Variants in PIGN observed in about 807,000 individuals in gnomAD.
The protein encoded by PIGN is phosphatidylinositol glycan anchor biosynthesis class N, also known as GPI ethanolamine phosphate transferase 1.
Under a neutral mutation model 125.4 loss-of-function variants are expected in PIGN, and 117 were observed. The ratio of observed to expected loss-of-function variants is 0.93; its 90% CI spans 0.80 to 1.09. The LOEUF (loss-of-function observed/expected upper bound fraction) is 1.09, where lower values mean the gene tolerates loss of function less well. PIGN is among the 50% of genes least tolerant of loss of function. PIGN has a pLI of 0.00. For missense variants in PIGN, 1,075 were observed against 1,094.9 expected, an observed-to-expected ratio of 0.98 and a Z score of 0.26; for synonymous variants, 392 against 377.8, an observed-to-expected ratio of 1.04 and a Z score of -0.44.
intron 27 of PIGN, among the ~76,000 whole-genome samples, chr18:62,083,890 C>T (rs2033566562): frequency 6.6e-6 from 1 of 152,064 alleles, no homozygotes; most frequent in Non-Finnish European, 1.5e-5. Context: ...TAAATCTGAA[C>T]ATTAGGTAAT....
rs1241205622 is a variant in PIGN at position 62,157,702 on chromosome 18, T to G, written c.328A>C (p.Ser110Arg). 2 of 1,611,462 alleles carry G rather than the reference T, an allele frequency of 1.2e-6. No homozygotes were observed. Among genetic ancestry groups the G allele is most frequent in the East Asian group, 4.5e-5 (2 of 44,846 alleles). The change falls in exon 5 of 31, where the codon AGT becomes CGT. Residue 110 changes from serine to arginine, a missense_variant. Coordinates refer to ENST00000640252, the MANE Select transcript of PIGN (RefSeq NM_176787.5). ...TAGACAATACCTTTGGCAACTGCAC[T>G]GACATCTTCATAAAACCCAGCTATC... Reference protein sequence around the residue: ...ALIAGFYEDVSAVAKGWKENP... With the variant: ...ALIAGFYEDVRAVAKGWKENP...
rs373904057 is a variant in PIGN, at chr18:62,076,003, T to C, written c.2577-1182A>G. ...CAGGCTGGAGTGCAGTGGTACAATC[T>C]TGGCTCACTGCAACCTCCGCCTCCT... On this transcript the variant is annotated intron_variant, in intron 28 of 30. Transcript: ENST00000640252. The C allele has an allele frequency of 3.3e-3, 503 of 152,356 alleles. 3 individuals carry two copies. The highest frequency in any genetic ancestry group is 0.013 in the South Asian group (65 of 4,822). 9.4% of individuals were successfully genotyped at this position (152,356 alleles called of 1,614,324 possible). A position where few individuals can be genotyped will look rare whatever the true frequency, so the allele number is the denominator to read the frequency against.
intron 30 of PIGN, among the ~76,000 whole-genome samples, chr18:62,064,109 G>A (rs776438575): frequency 6.6e-6 from 1 of 152,142 alleles, no homozygotes; most frequent in African/African-American, 2.4e-5. Context: ...TACACCTTTT[G>A]TTCAAGGCCC....
intron 8 of PIGN, among the ~76,000 whole-genome samples, chr18:62,147,700 A>G (rs2036384566): frequency 6.6e-6 from 1 of 152,216 alleles, no homozygotes; most frequent in Admixed American, 6.5e-5. Flanking sequence ...AGAGTATAAC[A>G]TGGTATCTTC....
intron 1 of PIGN, among the ~76,000 whole-genome samples, chr18:62,185,307 A>AT (rs1175654722): frequency 1.3e-5 from 2 of 151,888 alleles, no homozygotes; most frequent in African/African-American, 4.8e-5. Flanking sequence ...ATTTGGGGGG[A>AT]TTTTTTTCCC....
chr18:62,156,579 C>T (rs1403464764), intron 6 of PIGN, among the ~76,000 whole-genome samples: 1 of 152,168 alleles, frequency 6.6e-6, no homozygotes, highest in Non-Finnish European at 1.5e-5. Flanking sequence ...GATCCACCTG[C>T]CTCAGCCTCC....
At chr18:62,185,909 T>C (rs569114529) in intron 1 of PIGN, among the ~76,000 whole-genome samples, 2 of 152,354 alleles carry the variant, frequency 1.3e-5, no homozygotes, top group East Asian at 3.9e-4. Flanking sequence ...TTTAAAATAG[T>C]TCTAAGTTCC....
At chr18:62,059,560 T>C (rs1232752852) in intron 30 of PIGN, among the ~76,000 whole-genome samples, 2 of 152,160 alleles carry the variant, frequency 1.3e-5, no homozygotes, top group African/African-American at 4.8e-5. Flanking sequence ...AAAAACTACA[T>C]ATTGTATTTT....
intron 28 of PIGN, among the ~76,000 whole-genome samples, chr18:62,077,913 T>G (rs1050165891): frequency 1.3e-5 from 2 of 152,230 alleles, no homozygotes; most frequent in African/African-American, 4.8e-5. Context: ...TTTCCTTAGC[T>G]TGTAAATGGC....
intron 23 of PIGN, among the ~76,000 whole-genome samples, chr18:62,020,926 A>C (rs2030047219): frequency 6.6e-6 from 1 of 150,720 alleles, no homozygotes; most frequent in South Asian, 2.1e-4. Flanking sequence ...GCGCCATTGC[A>C]CACTAGCCTG....
chr18:62,029,396 C>T (rs949508202), intron 23 of PIGN, among the ~76,000 whole-genome samples: 3 of 152,148 alleles, frequency 2.0e-5, no homozygotes, highest in African/African-American at 7.2e-5. Context: ...CCTAATCCAA[C>T]CTCACAGCTG....
chr18:62,039,481 GCCCCA>G (rs2030307497), downstream of PIGN, among the ~76,000 whole-genome samples: 1 of 146,566 alleles, frequency 6.8e-6, no homozygotes, highest in African/African-American at 2.5e-5. Context: ...CATGTTTAGG[GCCCCA>G]TCCAGGGTGC....
chr18:62,065,032 G>A (rs982072773), intron 30 of PIGN, among the ~76,000 whole-genome samples: 3 of 152,162 alleles, frequency 2.0e-5, no homozygotes, highest in Admixed American at 6.5e-5. Context: ...GGACAAACAC[G>A]GGACTTCCGG....
intron 23 of PIGN, among the ~76,000 whole-genome samples, chr18:62,030,391 C>T (rs2030179922): frequency 6.6e-6 from 1 of 152,194 alleles, no homozygotes; most frequent in Non-Finnish European, 1.5e-5. Context: ...TGAGGCACTT[C>T]TCAAGTAAGC....
chr18:62,074,833 A>C lies in PIGN; in HGVS notation c.2577-12T>G, dbSNP rs2033089375. On this transcript the variant is annotated splice_polypyrimidine_tract_variant and intron_variant, in intron 28 of 30. Coordinates refer to ENST00000640252, the MANE Select transcript of PIGN (RefSeq NM_176787.5). ...CAATGAGAAAAAGGCTGGAAAAAAAAAGAAGGAAAAATTACATCTAATACA... is the reference window on the plus strand; with the variant it reads ...CAATGAGAAAAAGGCTGGAAAAAAACAGAAGGAAAAATTACATCTAATACA... 1 of 1,595,950 alleles carries C rather than the reference A, an allele frequency of 6.3e-7. No homozygotes were observed. Among genetic ancestry groups the C allele is most frequent in the East Asian group, 2.2e-5 (1 of 44,594 alleles).
chr18:62,088,529 C>T (rs1286980505), intron 25 of PIGN: 4 of 260,236 alleles, frequency 1.5e-5, no homozygotes, highest in Non-Finnish European at 2.8e-5. Flanking sequence ...GTACTAATGG[C>T]TAATATCTGA....
chr18:62,020,778 G>A (rs1204434317), intron 23 of PIGN, among the ~76,000 whole-genome samples: 5 of 147,726 alleles, frequency 3.4e-5, no homozygotes, highest in East Asian at 2.0e-4. Flanking sequence ...GTGAAACCCC[G>A]TCTCTGCTAA....
chr18:62,051,544 GA>G (rs2031288474), intron 30 of PIGN, among the ~76,000 whole-genome samples: 1 of 152,156 alleles, frequency 6.6e-6, no homozygotes, highest in Non-Finnish European at 1.5e-5. Context: ...GATTGGTGGT[GA>G]TTTCCCCTTT....
chr18:62,023,440 A>G (rs2030078219), intron 23 of PIGN, among the ~76,000 whole-genome samples: 1 of 152,216 alleles, frequency 6.6e-6, no homozygotes, highest in Admixed American at 6.5e-5. Context: ...ATTCCATTGT[A>G]TGGGTATACC....
Sources: gnomAD v4.1 joint callset for allele counts (sites outside exome capture counted in the v4.1 genomes callset) on GRCh38, gnomAD v4.1.1 for gene constraint, MANE v1.5 for transcripts, NCBI Gene and HGNC (gene_info 2026-07-23, HGNC 2026-07-21) for gene names.